MED16: variants seen among roughly 807,000 people sequenced by gnomAD.
MED16 encodes the protein mediator of RNA polymerase II transcription subunit 16.
Under a neutral mutation model 84.4 loss-of-function variants are expected in MED16, and 81 were observed. That is an observed-to-expected ratio of 0.96 (90% CI 0.80 to 1.15). The LOEUF (loss-of-function observed/expected upper bound fraction) is 1.15, where lower values mean the gene tolerates loss of function less well. Among genes scored for constraint, MED16 ranks in the 50% most tolerant of loss-of-function variants. The pLI is 0.00. For missense variants in MED16, 1,585 were observed against 1,245.9 expected (o/e 1.27, Z -4.10); for synonymous variants, 897 against 552.2 (o/e 1.62, Z -8.76).
chr19:881,960 G>A (rs2036430309), intron 6 of MED16, among the ~76,000 whole-genome samples: 1 of 152,226 alleles, frequency 6.6e-6, no homozygotes, highest in African/African-American at 2.4e-5. Flanking sequence ...AAACCTGTGG[G>A]CCGGCACCAT....
chr19:890,594 G>A (rs1030367504), intron 2 of MED16, among the ~76,000 whole-genome samples: 7 of 152,168 alleles, frequency 4.6e-5, no homozygotes, highest in South Asian at 4.1e-4. Context: ...TATTATGAGT[G>A]CCTATTACTC....
chr19:871,763 GGAGCGGGGAGAGGGGAGAGGGGA>G lies in MED16; in HGVS notation c.2098+140_2098+162del. On this transcript the variant is annotated intron_variant, in intron 12 of 15. Coordinates refer to ENST00000325464, the MANE Select transcript of MED16 (RefSeq NM_005481.3). ...GGACTTGTGTTTTGGTAGGGAGAGGGGAGCGGGGAGAGGGGAGAGGGGAGAGCGGGGAGAAGGGAGAGCGGGGA... is the reference window on the plus strand; with the variant it reads ...GGACTTGTGTTTTGGTAGGGAGAGGGGAGCGGGGAGAAGGGAGAGCGGGGA... 2.1e-5 allele frequency: 12 copies of G among 573,156 alleles called. 1 individual carries two copies. The highest frequency in any genetic ancestry group is 1.8e-4 in the South Asian group (11 of 59,540). The allele number at this position is 573,156 out of a possible 1,614,324, so 35.5% of individuals were successfully genotyped here.
intron 12 of MED16, 175 bp downstream of exon 12, chr19:871,751 G>T: frequency 1.5e-6 from 1 of 662,944 alleles, no homozygotes; most frequent in African/African-American, 3.1e-5. Flanking sequence ...CTTGTGTTTT[G>T]GTAGGGAGAG....
chr19:869,710 G>A (rs558603741), intron 13 of MED16, among the ~76,000 whole-genome samples: 36 of 152,276 alleles, frequency 2.4e-4, no homozygotes, highest in Admixed American at 1.5e-3. Flanking sequence ...GGCCTTCCCC[G>A]GAGCAGGGCT....
chr19:872,139 T>C, intron 11 of MED16, 21 bp from the exon 12 acceptor site: 1 of 1,551,642 alleles, frequency 6.4e-7, no homozygotes, highest in South Asian at 1.2e-5. Context: ...GAGGCATCGG[T>C]GTGGCTGGGG....
chr19:888,478 C>T (rs1055916390), intron 4 of MED16, among the ~76,000 whole-genome samples: 6 of 147,970 alleles, frequency 4.1e-5, no homozygotes, highest in African/African-American at 1.5e-4. Flanking sequence ...GAGCCAAGAT[C>T]GCATCACTGC....
In MED16 at chr19:877,158, G is replaced by A; in HGVS notation, c.1376C>T (p.Pro459Leu). ...CACCTCCAGCGGGTGGCCCATGGAA[G>A]GTGAGAGGCGGAGCACGCTCAGCTG... ...HGKLSVLRLS[P>L]SMGHPLEVGL... The change falls in exon 9 of 16, where the codon CCT becomes CTT. Residue 459 changes from proline to leucine, a missense_variant. By Grantham distance (98) the Pro-to-Leu change is moderately conservative. Transcript: ENST00000325464. 2 of 1,610,954 alleles carry A rather than the reference G, an allele frequency of 1.2e-6. No homozygotes were observed. Among genetic ancestry groups the A allele is most frequent in the Admixed American group, 1.7e-5 (1 of 59,808 alleles).
intron 10 of MED16, among the ~76,000 whole-genome samples, chr19:873,816 G>C (rs1209294732): frequency 2.6e-5 from 4 of 152,132 alleles, no homozygotes; most frequent in Admixed American, 6.5e-5. Context: ...GCTTCTCTCG[G>C]CCTGCAGGCC....
Position 869,007 on chromosome 19 carries a change from G to C in MED16, c.2316-61C>G, listed in dbSNP as rs529852534. On this transcript the variant is annotated intron_variant, in intron 13 of 15. Coordinates refer to ENST00000325464, the MANE Select transcript of MED16 (RefSeq NM_005481.3). The stretch of plus-strand genomic sequence containing the variant: ...GCACCACGAGGCCAGGTTCCGGCAG[G>C]GGCATCTGTCCACAGGCGGGGGTGG... 1.7e-3 allele frequency: 2,478 copies of C among 1,431,252 alleles called. 5 individuals carry two copies. Among genetic ancestry groups the C allele is most frequent in the South Asian group, 2.7e-3 (212 of 79,194 alleles). The allele number at this position is 1,431,252 out of a possible 1,614,324, so 88.7% of individuals were successfully genotyped here.
intron 4 of MED16, 45 bp from the exon 5 acceptor site, chr19:886,246 G>C: frequency 6.9e-7 from 1 of 1,458,068 alleles, no homozygotes. Context: ...CAGGCTCATG[G>C]GGGCTGCCCC....
Position 881,543 on chromosome 19 carries a change from G to A in MED16, c.1141+16C>T, listed in dbSNP as rs372723333. 766 of 1,600,000 alleles carry A rather than the reference G, an allele frequency of 4.8e-4. 1 individual carries two copies. Among genetic ancestry groups the A allele is most frequent in the Non-Finnish European group, 5.9e-4 (689 of 1,172,042 alleles). On this transcript the variant is annotated intron_variant, in intron 7 of 15. Coordinates refer to ENST00000325464, the MANE Select transcript of MED16 (RefSeq NM_005481.3). ...TGAACTGAGGCCCCGCGTGGCTGCCGCTGGCTCCACCGTACCGAGGCCAGG... is the reference window on the plus strand; with the variant it reads ...TGAACTGAGGCCCCGCGTGGCTGCCACTGGCTCCACCGTACCGAGGCCAGG...
At position 871,751 on chromosome 19, in the gene MED16, G is replaced by A; in HGVS notation, c.2098+175C>T. ...GGGGCTCAGGCAGGACTTGTGTTTT[G>A]GTAGGGAGAGGGGAGCGGGGAGAGG... On this transcript the variant is annotated intron_variant, in intron 12 of 15. Coordinates refer to ENST00000325464, the MANE Select transcript of MED16 (RefSeq NM_005481.3). 4.5e-6 allele frequency: 3 copies of A among 663,020 alleles called. No individual in the cohort carries two copies. In the South Asian group the frequency reaches 4.6e-5, roughly 10 times the overall value. 41.1% of individuals were successfully genotyped at this position (663,020 alleles called of 1,614,324 possible).
intron 9 of MED16, among the ~76,000 whole-genome samples, chr19:876,698 G>A (rs1044980337): frequency 3.0e-4 from 45 of 151,716 alleles, no homozygotes; most frequent in Admixed American, 2.4e-3. Flanking sequence ...CCAACCTGCC[G>A]CAGGGAAACC....
intron 6 of MED16, among the ~76,000 whole-genome samples, chr19:884,249 C>G (rs1407489181): frequency 6.6e-6 from 1 of 152,208 alleles, no homozygotes; most frequent in Non-Finnish European, 1.5e-5. Context: ...CTCTGAAAAC[C>G]AAGCGGCTGT....
At chr19:891,407 G>A (rs971406264) in intron 1 of MED16, among the ~76,000 whole-genome samples, 1 of 152,218 alleles carries the variant, frequency 6.6e-6, no homozygotes, top group African/African-American at 2.4e-5. Context: ...GTTTCACCAG[G>A]ACCCCTCTGG....
At chr19:876,418 G>A (rs573859172) in intron 9 of MED16, among the ~76,000 whole-genome samples, 9 of 152,002 alleles carry the variant, frequency 5.9e-5, no homozygotes, top group Admixed American at 3.9e-4. Context: ...CAGGGCCACC[G>A]GGTGTGCATC....
intron 4 of MED16, among the ~76,000 whole-genome samples, chr19:886,654 T>C (rs182887168): frequency 2.6e-5 from 4 of 152,370 alleles, no homozygotes; most frequent in Middle Eastern, 3.4e-3. Context: ...ACCTGAGCTA[T>C]AGCACTCAGG....
chr19:876,561 G>A (rs947528074), intron 9 of MED16, among the ~76,000 whole-genome samples: 2 of 152,084 alleles, frequency 1.3e-5, no homozygotes, highest in African/African-American at 4.8e-5. Flanking sequence ...AAACTTCCCA[G>A]GTAAGGAAGG....
intron 10 of MED16, among the ~76,000 whole-genome samples, chr19:874,863 G>A (rs918319314): frequency 2.6e-5 from 4 of 152,024 alleles, no homozygotes; most frequent in South Asian, 2.1e-4. Flanking sequence ...CAGTGAGACC[G>A]TCTCTAAAAG....
Sources: allele counts gnomAD v4.1 joint callset (sites outside exome capture counted in the v4.1 genomes callset), GRCh38; gene constraint gnomAD v4.1.1; transcripts MANE v1.5; gene names NCBI Gene and HGNC (gene_info 2026-07-23, HGNC 2026-07-21).